The following PRKAR2A variants were observed in gnomAD, a reference collection of about 807,000 sequenced individuals.
PRKAR2A encodes protein kinase cAMP-dependent type II regulatory subunit alpha.
PRKAR2A carries 29 observed loss-of-function variants against 51.9 expected under a neutral mutation model. That is an observed-to-expected ratio of 0.56 (90% CI 0.42 to 0.76). The LOEUF is 0.76. PRKAR2A is among the 30% of genes least tolerant of loss of function. The pLI, the probability that PRKAR2A is intolerant of heterozygous loss-of-function variation, is 0.00. For missense variants in PRKAR2A, 445 were observed against 512.1 expected (o/e 0.87, Z 1.26); for synonymous variants, 178 against 186.2 (o/e 0.96, Z 0.36).
chr3:48,790,261 G>C (rs910776927), intron 4 of PRKAR2A, among the ~76,000 whole-genome samples: 1 of 152,016 alleles, frequency 6.6e-6, no homozygotes, highest in African/African-American at 2.4e-5. Flanking sequence ...AATTATTTCT[G>C]GAATTTTCCA....
In PRKAR2A at chr3:48,750,207, T is replaced by C. The variant is rs2081624452; in HGVS notation, c.*1378A>G. 6.6e-6 allele frequency: 1 copy of C among 151,962 alleles called. No individual in the cohort carries two copies. Among genetic ancestry groups the C allele is most frequent in the Non-Finnish European group, 1.5e-5 (1 of 68,032 alleles). The allele number at this position is 151,962 out of a possible 1,614,324, so 9.4% of individuals were successfully genotyped here. A position where few individuals can be genotyped will look rare whatever the true frequency, so the allele number is the denominator to read the frequency against. Reference sequence around the variant, plus strand: ...AGAGAAACCCTGTCTCTATTAAAAATACAAAATTCGCCCGGCATGGTGGCG... The same window carrying C: ...AGAGAAACCCTGTCTCTATTAAAAACACAAAATTCGCCCGGCATGGTGGCG... On this transcript the variant is annotated 3_prime_UTR_variant, in exon 11 of 11. Coordinates refer to ENST00000265563, the MANE Select transcript of PRKAR2A (RefSeq NM_004157.4).
At chr3:48,765,661 C>T (rs780519735) in intron 6 of PRKAR2A, among the ~76,000 whole-genome samples, 8 of 142,628 alleles carry the variant, frequency 5.6e-5, no homozygotes, top group Non-Finnish European at 1.1e-4. Flanking sequence ...AAAAAGACAC[C>T]TCTAGTGAGC....
rs186629812 is a variant in PRKAR2A, at chr3:48,825,647, A to T, written c.263-17963T>A. 4.5e-4 allele frequency among the ~76,000 whole-genome samples: 69 copies of T among 152,180 alleles called. No homozygotes were observed. The Middle Eastern group carries it at 0.014, about 30-fold the overall frequency. On this transcript the variant is annotated intron_variant, in intron 1 of 10. Transcript: ENST00000265563. ...CAAGAGAGAAATTCTGTCTCAAAATAAAAAAATTAAATTAAATTAAAAAAT... is the reference window on the plus strand; with the variant it reads ...CAAGAGAGAAATTCTGTCTCAAAATTAAAAAATTAAATTAAATTAAAAAAT...
At chr3:48,837,618 C>T (rs2083305697) in intron 1 of PRKAR2A, among the ~76,000 whole-genome samples, 1 of 152,112 alleles carries the variant, frequency 6.6e-6, no homozygotes, top group South Asian at 2.1e-4. Flanking sequence ...CAGCTCCACA[C>T]AGAACTTGTA....
Position 48,783,803 on chromosome 3 carries a change from A to G in PRKAR2A, c.436-711T>C, listed in dbSNP as rs145055848. On this transcript the variant is annotated intron_variant, in intron 4 of 10. Coordinates refer to ENST00000265563, the MANE Select transcript of PRKAR2A (RefSeq NM_004157.4). ...GCCATGTTGGCCAGGCTGGTCTCGA[A>G]CTCCTGACCTCATGTAATCCACCCA... is the stretch of plus-strand genomic sequence containing the variant. Among the ~76,000 whole-genome samples, 199 of 152,016 alleles carry G rather than the reference A, an allele frequency of 1.3e-3. 7 individuals carry two copies. The East Asian group carries it at 0.037, about 28-fold the overall frequency.
intron 2 of PRKAR2A, among the ~76,000 whole-genome samples, chr3:48,802,394 T>C (rs2082604634): frequency 6.6e-6 from 1 of 151,752 alleles, no homozygotes; most frequent in African/African-American, 2.4e-5. Context: ...ACAACAAAGA[T>C]AATTTTGGTG....
In PRKAR2A at chr3:48,793,289, G is replaced by GTTGTTGCCATTTTTCA. The variant is rs1300254867; in HGVS notation, c.351+692_351+707dup. Among the ~76,000 whole-genome samples the GTTGTTGCCATTTTTCA allele has an allele frequency of 1.7e-3, 261 of 152,094 alleles. 1 individual carries two copies. The highest frequency in any genetic ancestry group is 6.0e-3 in the African/African-American group (247 of 41,506). On this transcript the variant is annotated intron_variant, in intron 3 of 10. Coordinates refer to ENST00000265563, the MANE Select transcript of PRKAR2A (RefSeq NM_004157.4). The stretch of plus-strand genomic sequence containing the variant: ...TAATCCCATATTTTGGGTCATTTAA[G>GTTGTTGCCATTTTTCA]TTGTTGCCATTTTTCATTGTTATAA...
intron 2 of PRKAR2A, among the ~76,000 whole-genome samples, chr3:48,807,407 A>AAAT (rs2082689636): frequency 6.6e-6 from 1 of 152,192 alleles, no homozygotes; most frequent in Non-Finnish European, 1.5e-5. Context: ...TGTAATTATA[A>AAAT]ACATGAAAAA....
At chr3:48,745,396 A>T (rs1031781156), downstream of PRKAR2A, among the ~76,000 whole-genome samples, 6 of 152,118 alleles carry the variant, frequency 3.9e-5, no homozygotes, top group African/African-American at 1.4e-4. Context: ...ACCCTTGCAC[A>T]TCATCCACAA....
At chr3:48,798,754 G>A (rs558164122) in intron 2 of PRKAR2A, among the ~76,000 whole-genome samples, 2 of 150,504 alleles carry the variant, frequency 1.3e-5, no homozygotes, top group Non-Finnish European at 2.9e-5. Context: ...TAAGCCTCCC[G>A]GGTTCAGGTG....
At chr3:48,842,989 G>T (rs1156759379) in intron 1 of PRKAR2A, among the ~76,000 whole-genome samples, 1 of 152,072 alleles carries the variant, frequency 6.6e-6, no homozygotes, top group Admixed American at 6.6e-5. Context: ...AGAAGGAATG[G>T]TACCAGTTCC....
rs1251460691 is a variant in PRKAR2A at position 48,847,669 on chromosome 3, C to CT, written c.-74dup. The CT allele has an allele frequency of 4.4e-6, 6 of 1,364,908 alleles. No individual in the cohort carries two copies. The highest frequency in any genetic ancestry group is 2.6e-4 in the Middle Eastern group (1 of 3,912). 84.5% of individuals were successfully genotyped at this position (1,364,908 alleles called of 1,614,324 possible). On this transcript the variant is annotated 5_prime_UTR_variant, in exon 1 of 11. Coordinates refer to ENST00000265563, the MANE Select transcript of PRKAR2A (RefSeq NM_004157.4). This position sits in a 1 kb window ranked among gnomAD's most constrained non-coding sequence, Gnocchi z 4.4. Reference sequence around the variant, plus strand: ...TGTCTCCGCGCTCACTCACGCCGGCCTTTCGCTCCGCGCCCGCGAGGTCTC... The same window carrying CT: ...TGTCTCCGCGCTCACTCACGCCGGCCTTTTCGCTCCGCGCCCGCGAGGTCTC...
intron 1 of PRKAR2A, among the ~76,000 whole-genome samples, chr3:48,840,811 C>T (rs558576593): frequency 2.0e-5 from 3 of 149,358 alleles, no homozygotes; most frequent in Non-Finnish European, 4.4e-5. Flanking sequence ...CTCCTGACCT[C>T]GTGATCCGCC....
chr3:48,839,147 G>T (rs925919901), intron 1 of PRKAR2A, among the ~76,000 whole-genome samples: 4 of 152,056 alleles, frequency 2.6e-5, no homozygotes, highest in Non-Finnish European at 5.9e-5. Context: ...CATTAGCCGG[G>T]CGTGGTGACA....
chr3:48,810,424 C>A (rs951626312), intron 1 of PRKAR2A, among the ~76,000 whole-genome samples: 6 of 152,118 alleles, frequency 3.9e-5, no homozygotes, highest in African/African-American at 1.4e-4. Flanking sequence ...TTTAAATCAT[C>A]TCTAGATTAC....
At chr3:48,809,073 G>A (rs972219737) in intron 1 of PRKAR2A, among the ~76,000 whole-genome samples, 2 of 152,180 alleles carry the variant, frequency 1.3e-5, no homozygotes, top group East Asian at 1.9e-4. Flanking sequence ...GAACCACCGC[G>A]CCTGGCCAAG....
intron 1 of PRKAR2A, among the ~76,000 whole-genome samples, chr3:48,823,254 A>G (rs889604156): frequency 2.6e-5 from 4 of 152,044 alleles, no homozygotes; most frequent in African/African-American, 9.7e-5. Context: ...TTCTAAAGAT[A>G]AGAACTCAAG....
chr3:48,745,330 C>T (rs575311145), downstream of PRKAR2A, among the ~76,000 whole-genome samples: 31 of 152,032 alleles, frequency 2.0e-4, no homozygotes, highest in Non-Finnish European at 3.2e-4. Flanking sequence ...CCACCATACC[C>T]AGCTCTGCTG....
chr3:48,763,454 AC>A (rs1210439231), intron 8 of PRKAR2A, among the ~76,000 whole-genome samples: 6 of 152,068 alleles, frequency 3.9e-5, no homozygotes, highest in Admixed American at 6.6e-5. Context: ...CTTCCTGAAA[AC>A]CCAGTATGAG....
Sources: gnomAD v4.1 joint callset for allele counts (sites outside exome capture counted in the v4.1 genomes callset) on GRCh38, gnomAD v4.1.1 for gene constraint, Gnocchi (gnomAD v3.1) non-coding constraint, MANE v1.5 for transcripts, NCBI Gene and HGNC (gene_info 2026-07-23, HGNC 2026-07-21) for gene names.